Variants in LRP3 observed in about 807,000 individuals in gnomAD.
LRP3 encodes low-density lipoprotein receptor-related protein 3.
In LRP3, 49 loss-of-function variants were observed where a neutral mutation model predicts 58.5. The observed-to-expected ratio is 0.84, with a 90% CI of 0.67 to 1.06. The LOEUF is 1.06. Ranked by LOEUF, LRP3 falls within the 50% of genes least tolerant of loss-of-function variation. LRP3 has a pLI of 0.00. For synonymous variants in LRP3, 485 were observed against 492.2 expected (o/e 0.99, Z 0.20); for missense variants, 1,019 against 1,134.2 (o/e 0.90, Z 1.46).
At position 33,208,061 on chromosome 19, in the gene LRP3, A is replaced by G. The variant is rs2145461618; in HGVS notation, c.*486A>G. ...ACCTGGGTTGGGTGGCTCCTGCCAA[A>G]CCCTCATGCCCCTGGCCAGGCAGGC... On this transcript the variant is annotated 3_prime_UTR_variant, in exon 7 of 7. Coordinates refer to ENST00000253193, the MANE Select transcript of LRP3 (RefSeq NM_002333.4). This position sits in a 1 kb window ranked among gnomAD's most constrained non-coding sequence, Gnocchi z 4.7. The G allele has an allele frequency of 5.9e-6, 1 of 168,116 alleles. No individual in the cohort carries two copies. The highest frequency in any genetic ancestry group is 1.3e-5 in the Non-Finnish European group (1 of 77,238). 10.4% of individuals were successfully genotyped at this position (168,116 alleles called of 1,614,324 possible). A position where few individuals can be genotyped will look rare whatever the true frequency, so the allele number is the denominator to read the frequency against.
intron 3 of LRP3, chr19:33,203,721 CTGGTGG>C: frequency 6.6e-6 from 1 of 152,448 alleles, no homozygotes; most frequent in Non-Finnish European, 1.5e-5. Context: ...CAGCCTGGGA[CTGGTGG>C]GCATGGTCTG....
At chr19:33,206,827 C>A in intron 6 of LRP3, 94 bp downstream of exon 6, 3 of 1,381,198 alleles carry the variant, frequency 2.2e-6, no homozygotes, top group African/African-American at 1.5e-5. Context: ...GGAGGCAAGG[C>A]CTGCGCAGGG....
Position 33,208,645 on chromosome 19 carries a change from G to T in LRP3, c.*1070G>T. 2 of 561,276 alleles carry T rather than the reference G, an allele frequency of 3.6e-6. No individual in the cohort carries two copies. The highest frequency in any genetic ancestry group is 6.3e-6 in the Non-Finnish European group (2 of 317,482). 34.8% of individuals were successfully genotyped at this position (561,276 alleles called of 1,614,324 possible). Reference sequence around the variant, plus strand: ...GCCACTCCCATCTGTGCCCATCAGGGACTCCCCATAGCACGAGCGAACAGC... The same window carrying T: ...GCCACTCCCATCTGTGCCCATCAGGTACTCCCCATAGCACGAGCGAACAGC... On this transcript the variant is annotated 3_prime_UTR_variant, in exon 7 of 7. Transcript: ENST00000253193. The surrounding 1 kb of genome is among the most constrained non-coding windows in gnomAD (Gnocchi z 4.7).
At chr19:33,196,688 A>G (rs370281064) in intron 1 of LRP3, 42 bp from the exon 2 acceptor site, 1 of 1,592,822 alleles carries the variant, frequency 6.3e-7, no homozygotes, top group Non-Finnish European at 8.6e-7. Context: ...GGTCCCCAGC[A>G]GGTATGTGGG....
chr19:33,207,471 C>G lies in LRP3; in HGVS notation c.2209C>G (p.Leu737Val). Residue 737 changes from leucine (L) to valine (V), a missense_variant, in exon 7 of 7, where the codon CTG becomes GTG. Around this residue, in one of 2 missense-constraint regions of LRP3, gnomAD observed 427 missense variants for 408.6 expected, o/e 1.04. Coordinates refer to ENST00000253193, the MANE Select transcript of LRP3 (RefSeq NM_002333.4). ...HPQVSTASST[L>V]GPHSPEPLGV... ...CCAGGTCTCCACTGCCAGCAGCACC[C>G]TGGGCCCCCACTCGCCAGAGCCACT... 1 of 1,600,336 alleles carries G rather than the reference C, an allele frequency of 6.2e-7. No homozygotes were observed. Among genetic ancestry groups the G allele is most frequent in the Non-Finnish European group, 8.5e-7 (1 of 1,176,960 alleles).
chr19:33,206,301 C>T lies in LRP3; in HGVS notation c.1531C>T (p.Leu511=). ...CATTGGCAGCCTGGTGTGTGGCCTG[C>T]TGCTGGTCATCGCGCTGGGCTGCGC... is the stretch of plus-strand genomic sequence containing the variant. The part of the protein sequence containing the change: ...ALIGSLVCGL[L]LVIALGCAFK... Residue 511 remains leucine, a synonymous_variant, in exon 5 of 7, where the codon CTG becomes TTG. Transcript: ENST00000253193. 2 of 1,598,622 alleles carry T rather than the reference C, an allele frequency of 1.3e-6. No individual in the cohort carries two copies. Among genetic ancestry groups the T allele is most frequent in the Non-Finnish European group, 1.7e-6 (2 of 1,171,794 alleles).
At chr19:33,203,193 T>TGTGTGTGAGCATTTGTGAGTAG (rs1974360868) in intron 3 of LRP3, among the ~76,000 whole-genome samples, 1 of 152,010 alleles carries the variant, frequency 6.6e-6, no homozygotes, top group South Asian at 2.1e-4. Context: ...GGTGTGTGCA[T>TGTGTGTGAGCATTTGTGAGTAG]GTGTGTGAGC....
chr19:33,205,096 A>T, intron 4 of LRP3, 150 bp from the exon 5 acceptor site: 2 of 890,088 alleles, frequency 2.2e-6, no homozygotes, highest in Non-Finnish European at 3.4e-6. Context: ...CCCCAGGCTC[A>T]GGTCAGGGAC....
intron 4 of LRP3, 136 bp downstream of exon 4, chr19:33,204,988 C>G: frequency 1.2e-6 from 1 of 850,312 alleles, no homozygotes; most frequent in Non-Finnish European, 1.8e-6. Flanking sequence ...CTGTCAATCT[C>G]AGGACAGTGG....
rs916549416 is a variant in LRP3, at chr19:33,206,803, G to C, written c.1725+70G>C. On this transcript the variant is annotated intron_variant, in intron 6 of 6. Coordinates refer to ENST00000253193, the MANE Select transcript of LRP3 (RefSeq NM_002333.4). ...CAGTGTGCGGAGGAGGCTGGTCCAG[G>C]GGTCACAGGAGCAGGAGGCAAGGCC... The C allele has an allele frequency of 4.1e-6, 6 of 1,453,500 alleles. No individual in the cohort carries two copies. The African/African-American group carries it at 8.6e-5, about 21-fold the overall frequency. 90.0% of individuals were successfully genotyped at this position (1,453,500 alleles called of 1,614,324 possible).
In LRP3 at chr19:33,205,753, G is replaced by A. The variant is rs1247133576; in HGVS notation, c.983G>A (p.Arg328His). 1.0e-5 allele frequency: 16 copies of A among 1,593,622 alleles called. No homozygotes were observed. In the Admixed American group the frequency reaches 1.5e-4, roughly 15 times the overall value. The change falls in exon 5 of 7, where the codon CGC becomes CAC. Residue 328 changes from arginine (R) to histidine (H), a missense_variant. Arg to His is a conservative substitution (Grantham distance 29). Coordinates refer to ENST00000253193, the MANE Select transcript of LRP3 (RefSeq NM_002333.4). ...GDRLLQTLSY[R>H]SNHRPVSLEA... ...CGCCTGCTGCAGACGCTGTCCTACC[G>A]CAGCAACCACCGGCCCGTGAGCCTG...
At chr19:33,199,819 G>C (rs563897946) in intron 2 of LRP3, among the ~76,000 whole-genome samples, 3 of 152,336 alleles carry the variant, frequency 2.0e-5, no homozygotes, top group East Asian at 1.9e-4. Flanking sequence ...GAGGGAGAAG[G>C]GTTCTGGCTG....
rs576156061 is a variant in LRP3, at chr19:33,208,830, A to G, written c.*1255A>G. 5 of 1,609,108 alleles carry G rather than the reference A, an allele frequency of 3.1e-6. No individual in the cohort carries two copies. The highest frequency in any genetic ancestry group is 1.7e-4 in the Middle Eastern group (1 of 6,046). ...AAAACAAAACAAAACTTTTTTGCCA[A>G]AACACCTCCTCAATAAACAACATGT... On this transcript the variant is annotated 3_prime_UTR_variant, in exon 7 of 7. Coordinates refer to ENST00000253193, the MANE Select transcript of LRP3 (RefSeq NM_002333.4). This position sits in a 1 kb window ranked among gnomAD's most constrained non-coding sequence, Gnocchi z 4.7.
intron 2 of LRP3, among the ~76,000 whole-genome samples, chr19:33,197,910 G>A (rs1974302195): frequency 6.6e-6 from 1 of 152,198 alleles, no homozygotes; most frequent in Non-Finnish European, 1.5e-5. Flanking sequence ...TGTGCTCTCA[G>A]GAGCCCGGCC....
Position 33,207,618 on chromosome 19 carries a change from C to A in LRP3, c.*43C>A. 1 of 1,395,748 alleles carries A rather than the reference C, an allele frequency of 7.2e-7. No individual in the cohort carries two copies. The allele number at this position is 1,395,748 out of a possible 1,614,324, so 86.5% of individuals were successfully genotyped here. A position where few individuals can be genotyped will look rare whatever the true frequency, so the allele number is the denominator to read the frequency against. ...GACCGCCACAGCCCCGCTTTGTAAC[C>A]AGGGAATACACAGTCATTTCTACCC... On this transcript the variant is annotated 3_prime_UTR_variant, in exon 7 of 7. Transcript: ENST00000253193.
intron 3 of LRP3, among the ~76,000 whole-genome samples, chr19:33,203,192 ATG>A (rs773243630): frequency 9.2e-5 from 14 of 152,062 alleles, no homozygotes; most frequent in African/African-American, 1.7e-4. Context: ...GGGTGTGTGC[ATG>A]TGTGTGAGCA....
intron 1 of LRP3, 72 bp downstream of exon 1, chr19:33,194,930 T>C (rs60145560): frequency 0.83 from 628,868 of 759,224 alleles, 262,427 homozygotes; most frequent in Non-Finnish European, 0.85. Flanking sequence ...CTGACCGACC[T>C]CCTCTCCGGC....
chr19:33,202,206 G>C (rs1427262257), intron 2 of LRP3, among the ~76,000 whole-genome samples: 1 of 152,240 alleles, frequency 6.6e-6, no homozygotes, highest in Non-Finnish European at 1.5e-5. Flanking sequence ...ATCAGATCCA[G>C]GTGGCGTTTC....
At position 33,194,927 on chromosome 19, in the gene LRP3, A is replaced by AC. The variant is rs975122596; in HGVS notation, c.73+71dup. The AC allele has an allele frequency of 4.8e-4, 413 of 852,810 alleles. 3 individuals are homozygous for AC. The highest frequency in any genetic ancestry group is 2.0e-3 in the African/African-American group (111 of 54,626). The allele number at this position is 852,810 out of a possible 1,614,324, so 52.8% of individuals were successfully genotyped here. The stretch of plus-strand genomic sequence containing the variant: ...GGCAGTCCGCGCCGCGCCCTGACCG[A>AC]CCTCCTCTCCGGCCGCGGCATCCCG... On this transcript the variant is annotated intron_variant, in intron 1 of 6. Coordinates refer to ENST00000253193, the MANE Select transcript of LRP3 (RefSeq NM_002333.4).
Sources: allele counts gnomAD v4.1 joint callset (sites outside exome capture counted in the v4.1 genomes callset), GRCh38; gene constraint gnomAD v4.1.1; regional missense constraint gnomAD v4.1.1; non-coding constraint Gnocchi (gnomAD v3.1); transcripts MANE v1.5; gene names NCBI Gene and HGNC (gene_info 2026-07-23, HGNC 2026-07-21).